The following RAD51B variants were observed in gnomAD, a reference collection of about 807,000 sequenced individuals.
RAD51B encodes RAD51 paralog B.
In RAD51B, 38 loss-of-function variants were observed where a neutral mutation model predicts 42.2. The observed-to-expected ratio is 0.90, with a 90% CI of 0.70 to 1.18. The LOEUF is 1.18. RAD51B is among the 50% of genes most tolerant of loss of function. The probability of loss-of-function intolerance (pLI) is 0.00; values close to 1 mark genes in which losing one functional copy is unlikely to be tolerated. For missense variants in RAD51B, 373 were observed against 400.7 expected, an observed-to-expected ratio of 0.93 and a Z score of 0.59; for synonymous variants, 154 against 145.2, an observed-to-expected ratio of 1.06 and a Z score of -0.43.
intron 7 of RAD51B, among the ~76,000 whole-genome samples, chr14:68,091,530 C>T (rs1275462013): frequency 1.3e-5 from 2 of 152,164 alleles, no homozygotes; most frequent in African/African-American, 4.8e-5. Flanking sequence ...ATATCCTTCA[C>T]CCACTTTTTG....
chr14:67,916,928 A>G (rs2044170090), intron 7 of RAD51B, among the ~76,000 whole-genome samples: 1 of 152,212 alleles, frequency 6.6e-6, no homozygotes, highest in Non-Finnish European at 1.5e-5. Context: ...GTATGTTAAA[A>G]ATAATAATTG....
intron 4 of RAD51B, among the ~76,000 whole-genome samples, chr14:67,849,142 A>T (rs1326826560): frequency 1.3e-5 from 2 of 152,230 alleles, no homozygotes. Flanking sequence ...GAATTATTCC[A>T]TCAAGTATGT....
Position 67,922,262 on chromosome 14 carries a change from G to T in RAD51B, c.756+35058G>T, listed in dbSNP as rs547564465. On this transcript the variant is annotated intron_variant, in intron 7 of 10. Coordinates refer to ENST00000471583, the MANE Select transcript of RAD51B (RefSeq NM_133510.4). Reference sequence around the variant, plus strand: ...AGTTTGTTACTTCTCAGCAAACCTTGGGGGAGATATCTGAACCTAATTGTT... The same window carrying T: ...AGTTTGTTACTTCTCAGCAAACCTTTGGGGAGATATCTGAACCTAATTGTT... Among the ~76,000 whole-genome samples, 45 of 152,258 alleles carry T rather than the reference G, an allele frequency of 3.0e-4. 2 individuals are homozygous for T. In the South Asian group the frequency reaches 9.1e-3, roughly 31 times the overall value.
chr14:67,918,130 C>A (rs530954730), intron 7 of RAD51B, among the ~76,000 whole-genome samples: 1 of 151,730 alleles, frequency 6.6e-6, no homozygotes, highest in Non-Finnish European at 1.5e-5. Flanking sequence ...AAGAATATTA[C>A]AGAAATATTA....
chr14:68,578,987 T>C (rs1286038323), intron 10 of RAD51B, among the ~76,000 whole-genome samples: 3 of 152,134 alleles, frequency 2.0e-5, no homozygotes, highest in Admixed American at 6.5e-5. Flanking sequence ...AGTAGCCTCT[T>C]CTCTGGCCCC....
chr14:68,315,374 G>T (rs150588368), intron 8 of RAD51B, among the ~76,000 whole-genome samples: 1 of 152,228 alleles, frequency 6.6e-6, no homozygotes, highest in East Asian at 1.9e-4. Flanking sequence ...TTTGCAAAAG[G>T]CCCCATGTTG....
chr14:68,571,295 A>AACAGTAG (rs1484811608), intron 10 of RAD51B, among the ~76,000 whole-genome samples: 5 of 152,234 alleles, frequency 3.3e-5, no homozygotes, highest in African/African-American at 4.8e-5. Context: ...TAGTAGCTTC[A>AACAGTAG]ACAGTACAAA....
At chr14:68,216,326 T>A (rs2079814069) in intron 7 of RAD51B, among the ~76,000 whole-genome samples, 1 of 152,216 alleles carries the variant, frequency 6.6e-6, no homozygotes, top group Admixed American at 6.5e-5. Flanking sequence ...AAAAAGGTCG[T>A]TAAGGGTTTA....
intron 10 of RAD51B, among the ~76,000 whole-genome samples, chr14:68,593,644 G>T (rs1890855958): frequency 6.6e-6 from 1 of 152,196 alleles, no homozygotes; most frequent in African/African-American, 2.4e-5. Flanking sequence ...TGGCACCTGG[G>T]CTGGCTGAAA....
chr14:68,465,959 T>TAA (rs1491286871), intron 9 of RAD51B, among the ~76,000 whole-genome samples: 41 of 67,814 alleles, frequency 6.0e-4, no homozygotes, highest in African/African-American at 2.1e-3. Context: ...AAAAAATAAA[T>TAA]AAATAAATAA....
intron 7 of RAD51B, among the ~76,000 whole-genome samples, chr14:68,025,275 T>A (rs1367382246): frequency 6.6e-6 from 1 of 152,144 alleles, no homozygotes; most frequent in Non-Finnish European, 1.5e-5. Flanking sequence ...TTTACACCTA[T>A]GTTTATCAGG....
chr14:68,580,756 C>A (rs1890175018), intron 10 of RAD51B, among the ~76,000 whole-genome samples: 1 of 152,200 alleles, frequency 6.6e-6, no homozygotes, highest in South Asian at 2.1e-4. Flanking sequence ...ATCCAACCAG[C>A]CCCATTTCCC....
chr14:68,613,954 C>T (rs746304408), downstream of RAD51B, among the ~76,000 whole-genome samples: 10 of 152,242 alleles, frequency 6.6e-5, no homozygotes, highest in Middle Eastern at 3.4e-3. Flanking sequence ...AATCTAAATG[C>T]GTAAAATCAA....
At chr14:67,880,790 A>G (rs891689581) in intron 5 of RAD51B, among the ~76,000 whole-genome samples, 2 of 150,962 alleles carry the variant, frequency 1.3e-5, no homozygotes, top group African/African-American at 5.0e-5. Context: ...GGATTTTAAC[A>G]TATGTTTTTC....
In RAD51B at chr14:67,989,635, C is replaced by CAAA. The variant is rs764608072; in HGVS notation, c.756+102451_756+102453dup. On this transcript the variant is annotated intron_variant, in intron 7 of 10. Coordinates refer to ENST00000471583, the MANE Select transcript of RAD51B (RefSeq NM_133510.4). ...GGGCAACAAGAGCGAAACTCTGTCT[C>CAAA]AAAAAAAAAAAAAAAAAAAAAAGAA... 3.4e-3 allele frequency among the ~76,000 whole-genome samples: 224 copies of CAAA among 66,620 alleles called. 6 individuals carry two copies. Among genetic ancestry groups the CAAA allele is most frequent in the African/African-American group, 9.8e-3 (162 of 16,576 alleles). 43.7% of individuals were successfully genotyped at this position (66,620 alleles called of 152,430 possible). A position where few individuals can be genotyped will look rare whatever the true frequency, so the allele number is the denominator to read the frequency against.
At chr14:68,672,883 T>A (rs1174660647) in intron 11 of RAD51B, among the ~76,000 whole-genome samples, 1 of 152,198 alleles carries the variant, frequency 6.6e-6, no homozygotes, top group Non-Finnish European at 1.5e-5. Flanking sequence ...GTGCTCCTGA[T>A]TAGTCTGCAA....
chr14:68,422,883 C>A (rs1038688298), intron 9 of RAD51B, among the ~76,000 whole-genome samples: 1 of 152,126 alleles, frequency 6.6e-6, no homozygotes, highest in African/African-American at 2.4e-5. Context: ...CTCCCTGCCC[C>A]CAAGCTTCCC....
chr14:67,893,491 C>CAAAAAAA (rs1566945218), intron 7 of RAD51B, among the ~76,000 whole-genome samples: 1 of 76,750 alleles, frequency 1.3e-5, no homozygotes, highest in African/African-American at 7.6e-5. Flanking sequence ...CACACACACA[C>CAAAAAAA]ACACACACAC....
Position 68,239,724 on chromosome 14 carries a change from C to T in RAD51B, c.757-52160C>T, listed in dbSNP as rs78031091. On this transcript the variant is annotated intron_variant, in intron 7 of 10. Coordinates refer to ENST00000471583, the MANE Select transcript of RAD51B (RefSeq NM_133510.4). ...CACCAGCCAAAAGAACCATATGAGG[C>T]CTCTTTACCTAGCAGACTCTTGATA... Among the ~76,000 whole-genome samples the T allele has an allele frequency of 8.3e-3, 1,267 of 152,244 alleles. 18 individuals carry two copies. The highest frequency in any genetic ancestry group is 0.029 in the African/African-American group (1,205 of 41,526).
Sources: allele counts gnomAD v4.1 joint callset (sites outside exome capture counted in the v4.1 genomes callset), GRCh38; gene constraint gnomAD v4.1.1; transcripts MANE v1.5; gene names NCBI Gene and HGNC (gene_info 2026-07-23, HGNC 2026-07-21).